The following CDK14 variants were observed in gnomAD, a reference collection of about 807,000 sequenced individuals.
The protein encoded by CDK14 is cyclin-dependent kinase 14.
In CDK14, 34 loss-of-function variants were observed where a neutral mutation model predicts 60.7. The observed-to-expected ratio is 0.56, with a 90% CI of 0.43 to 0.75. The LOEUF (loss-of-function observed/expected upper bound fraction) is 0.75. CDK14 is among the 30% of genes least tolerant of loss of function. CDK14 has a pLI of 0.00. For missense variants in CDK14, 482 were observed against 564.1 expected, an observed-to-expected ratio of 0.85 and a Z score of 1.47; for synonymous variants, 197 against 203.7, an observed-to-expected ratio of 0.97 and a Z score of 0.28.
intron 14 of CDK14, among the ~76,000 whole-genome samples, chr7:91,180,934 TC>T (rs1267282295): frequency 2.0e-4 from 30 of 152,210 alleles, no homozygotes; most frequent in African/African-American, 6.8e-4. Flanking sequence ...TCTTTTTTCC[TC>T]TGATCTACAT....
chr7:90,845,653 A>G (rs1190426051), intron 5 of CDK14, among the ~76,000 whole-genome samples: 1 of 152,108 alleles, frequency 6.6e-6, no homozygotes, highest in Non-Finnish European at 1.5e-5. Context: ...AAACCTTCTC[A>G]TAAGACTTGT....
intron 2 of CDK14, chr7:90,608,461 A>C (rs904845450): frequency 1.6e-5 from 9 of 563,822 alleles, no homozygotes. Flanking sequence ...ACAGCAATTC[A>C]TGAATTGTTC....
chr7:91,103,306 C>T (rs1233028723), intron 12 of CDK14, among the ~76,000 whole-genome samples: 6 of 152,050 alleles, frequency 3.9e-5, no homozygotes, highest in Admixed American at 3.9e-4. Flanking sequence ...CTTGCCACAA[C>T]CAGTGGACCT....
intron 1 of CDK14, among the ~76,000 whole-genome samples, chr7:90,600,283 G>A (rs1799287720): frequency 1.3e-5 from 2 of 152,204 alleles, no homozygotes; most frequent in Middle Eastern, 3.4e-3. Flanking sequence ...TTATTGAGTA[G>A]TTTAAGTATT....
At chr7:91,195,241 C>T (rs1246603137) in intron 14 of CDK14, among the ~76,000 whole-genome samples, 1 of 152,128 alleles carries the variant, frequency 6.6e-6, no homozygotes, top group Non-Finnish European at 1.5e-5. Flanking sequence ...TAAATTATTG[C>T]AGTTGCTCTT....
chr7:90,992,225 A>T (rs1481738552), intron 10 of CDK14, among the ~76,000 whole-genome samples: 1 of 152,248 alleles, frequency 6.6e-6, no homozygotes, highest in East Asian at 1.9e-4. Flanking sequence ...GCTTAAAAAG[A>T]AACTTCTATT....
In CDK14 at chr7:91,115,601, A is replaced by G. The variant is rs566142126; in HGVS notation, c.1295-2464A>G. Among the ~76,000 whole-genome samples, 5 of 152,312 alleles carry G rather than the reference A, an allele frequency of 3.3e-5. No homozygotes were observed. The South Asian group carries it at 1.0e-3, about 32-fold the overall frequency. Reference sequence around the variant, plus strand: ...TTTCTAAAGAATTTCCACAAGAGGAAAACACTTATGCAAGCAGGAAGCAAA... The same window carrying G: ...TTTCTAAAGAATTTCCACAAGAGGAGAACACTTATGCAAGCAGGAAGCAAA... On this transcript the variant is annotated intron_variant, in intron 13 of 14. Coordinates refer to ENST00000380050, the MANE Select transcript of CDK14 (RefSeq NM_001287135.2).
intron 14 of CDK14, among the ~76,000 whole-genome samples, chr7:91,181,705 G>A (rs959745641): frequency 2.0e-5 from 3 of 152,138 alleles, no homozygotes; most frequent in African/African-American, 7.2e-5. Context: ...AAAGGTGATG[G>A]ATGTGTTTTG....
At chr7:91,116,299 C>T (rs1025796565) in intron 13 of CDK14, among the ~76,000 whole-genome samples, 1 of 152,176 alleles carries the variant, frequency 6.6e-6, no homozygotes, top group Non-Finnish European at 1.5e-5. Context: ...TGAAAGAAGG[C>T]CAACAAATCG....
intron 5 of CDK14, among the ~76,000 whole-genome samples, chr7:90,798,860 G>A (rs3808230): frequency 0.44 from 66,137 of 151,984 alleles, 15,187 homozygotes; most frequent in East Asian, 0.82. Flanking sequence ...GTAGTGCTCA[G>A]GGTCAGCTTT....
At chr7:90,844,702 G>A (rs1165777467) in intron 5 of CDK14, among the ~76,000 whole-genome samples, 1 of 152,118 alleles carries the variant, frequency 6.6e-6, no homozygotes, top group Non-Finnish European at 1.5e-5. Flanking sequence ...TGAAGGATAA[G>A]AAAATCTCAG....
At chr7:91,016,439 A>G (rs1283070006) in intron 10 of CDK14, among the ~76,000 whole-genome samples, 1 of 152,174 alleles carries the variant, frequency 6.6e-6, no homozygotes, top group Non-Finnish European at 1.5e-5. Context: ...AGGTGGTACA[A>G]TGAACTAGAT....
At chr7:91,069,269 C>T (rs1012575464) in intron 11 of CDK14, among the ~76,000 whole-genome samples, 3 of 152,118 alleles carry the variant, frequency 2.0e-5, no homozygotes, top group African/African-American at 4.8e-5. Flanking sequence ...TCAGGCACAG[C>T]GGCTCGTGCT....
At chr7:90,953,785 G>C (rs1179945871) in intron 8 of CDK14, among the ~76,000 whole-genome samples, 1 of 152,154 alleles carries the variant, frequency 6.6e-6, no homozygotes, top group African/African-American at 2.4e-5. Context: ...TATGGAACAA[G>C]TCAGAACCTA....
intron 2 of CDK14, among the ~76,000 whole-genome samples, chr7:90,629,024 T>C (rs1472233900): frequency 6.6e-6 from 1 of 152,020 alleles, no homozygotes; most frequent in Non-Finnish European, 1.5e-5. Context: ...AGCAAAGACA[T>C]TAAAAAAAAT....
chr7:91,059,976 C>T (rs1458761324), intron 11 of CDK14, among the ~76,000 whole-genome samples: 12 of 152,060 alleles, frequency 7.9e-5, no homozygotes, highest in Non-Finnish European at 8.8e-5. Context: ...CTTTCTGTCT[C>T]GTGGATCTGT....
At chr7:90,655,449 T>C (rs1265692981) in intron 2 of CDK14, among the ~76,000 whole-genome samples, 1 of 151,732 alleles carries the variant, frequency 6.6e-6, no homozygotes, top group Admixed American at 6.6e-5. Flanking sequence ...TGAAAAGGGG[T>C]TTATTTAAAC....
chr7:91,177,466 C>G (rs1311523264), intron 14 of CDK14, among the ~76,000 whole-genome samples: 1 of 151,804 alleles, frequency 6.6e-6, no homozygotes, highest in Non-Finnish European at 1.5e-5. Context: ...CCAGGGCAAT[C>G]AGGCAGGAGA....
intron 3 of CDK14, among the ~76,000 whole-genome samples, chr7:90,732,416 T>C (rs1212183162): frequency 3.3e-5 from 5 of 152,232 alleles, no homozygotes; most frequent in Non-Finnish European, 7.3e-5. Flanking sequence ...GAAGGAATGG[T>C]ACCAGCTCCC....
Sources: gnomAD v4.1 joint callset for allele counts (sites outside exome capture counted in the v4.1 genomes callset) on GRCh38, gnomAD v4.1.1 for gene constraint, MANE v1.5 for transcripts, NCBI Gene and HGNC (gene_info 2026-07-23, HGNC 2026-07-21) for gene names.